Variants in SLC7A1 observed in about 807,000 individuals in gnomAD.
The protein encoded by SLC7A1 is high affinity cationic amino acid transporter 1.
A neutral mutation model predicts 53.9 loss-of-function variants in SLC7A1; 10 were observed. That is an observed-to-expected ratio of 0.19 (90% CI 0.11 to 0.31). SLC7A1 has a LOEUF of 0.31. SLC7A1 is among the 10% of genes least tolerant of loss of function. The pLI, the probability that SLC7A1 is intolerant of heterozygous loss-of-function variation, is 1.00. For missense variants in SLC7A1, 525 were observed against 827.2 expected (o/e 0.63, Z 4.48); for synonymous variants, 342 against 338.7 (o/e 1.01, Z -0.11).
chr13:29,523,539 A>G, intron 6 of SLC7A1, 51 bp from the exon 7 acceptor site: 1 of 1,364,316 alleles, frequency 7.3e-7, no homozygotes, highest in Non-Finnish European at 1.0e-6. Flanking sequence ...GAGGCAGTGT[A>G]TCTGCCCACA....
Position 29,516,947 on chromosome 13 carries a change from G to T in SLC7A1, c.1677+197C>A, listed in dbSNP as rs113405643. On this transcript the variant is annotated intron_variant, in intron 11 of 12. Coordinates refer to ENST00000380752, the MANE Select transcript of SLC7A1 (RefSeq NM_003045.5). Reference sequence around the variant, plus strand: ...TGACTACTCAGGGAAACGTCCAGGGGAGAAGGGCTGCTGCCTCCTTCCAGG... The same window carrying T: ...TGACTACTCAGGGAAACGTCCAGGGTAGAAGGGCTGCTGCCTCCTTCCAGG... 4,644 of 501,540 alleles carry T rather than the reference G, an allele frequency of 9.3e-3. 170 individuals carry two copies. Among genetic ancestry groups the T allele is most frequent in the African/African-American group, 0.084 (4,251 of 50,802 alleles). The allele number at this position is 501,540 out of a possible 1,614,324, so 31.1% of individuals were successfully genotyped here.
intron 2 of SLC7A1, among the ~76,000 whole-genome samples, chr13:29,546,459 T>G (rs1869926911): frequency 6.6e-6 from 1 of 152,198 alleles, no homozygotes; most frequent in Non-Finnish European, 1.5e-5. Flanking sequence ...TTCTAAATAT[T>G]TCCTCTTCCA....
intron 9 of SLC7A1, among the ~76,000 whole-genome samples, chr13:29,518,779 A>G (rs1868478238): frequency 6.6e-6 from 1 of 152,094 alleles, no homozygotes. Context: ...ACCAGTGCTG[A>G]GCGTCTCCAT....
intron 1 of SLC7A1, among the ~76,000 whole-genome samples, chr13:29,570,857 CAAAA>C (rs11321368): frequency 5.0e-5 from 7 of 138,990 alleles, no homozygotes; most frequent in Admixed American, 7.1e-5. Flanking sequence ...GACTTTGTCT[CAAAA>C]AAAAAAAAAA....
At chr13:29,541,907 A>AT (rs1295686569) in intron 2 of SLC7A1, among the ~76,000 whole-genome samples, 1 of 152,242 alleles carries the variant, frequency 6.6e-6, no homozygotes, top group Non-Finnish European at 1.5e-5. Flanking sequence ...AAAAGTATAT[A>AT]TTTTTGGATA....
chr13:29,594,190 C>T (rs1310102634), intron 1 of SLC7A1, among the ~76,000 whole-genome samples: 2 of 152,184 alleles, frequency 1.3e-5, no homozygotes, highest in African/African-American at 2.4e-5. Context: ...AATTATAATT[C>T]GAATTAAATA....
chr13:29,514,645 C>G, intron 12 of SLC7A1, 62 bp from the exon 13 acceptor site: 1 of 1,320,560 alleles, frequency 7.6e-7, no homozygotes, highest in East Asian at 2.5e-5. Flanking sequence ...GCAGGCAGGG[C>G]TCAGAGCCCA....
intron 2 of SLC7A1, among the ~76,000 whole-genome samples, chr13:29,544,296 AAT>A (rs1216767286): frequency 5.3e-5 from 8 of 152,196 alleles, no homozygotes; most frequent in African/African-American, 1.9e-4. Flanking sequence ...AAAATCCTAA[AAT>A]ATTAACTGAG....
At chr13:29,523,061 A>AAT (rs1338185937) in intron 7 of SLC7A1, among the ~76,000 whole-genome samples, 3 of 152,194 alleles carry the variant, frequency 2.0e-5, no homozygotes. Context: ...GGTTCTTCTC[A>AAT]ATAACACAAC....
intron 1 of SLC7A1, among the ~76,000 whole-genome samples, chr13:29,580,502 A>G (rs1252834976): frequency 6.6e-6 from 1 of 152,020 alleles, no homozygotes; most frequent in African/African-American, 2.4e-5. Context: ...ACACACTTTC[A>G]ATGGCTGGCA....
At chr13:29,520,195 A>G (rs1480179341) in intron 8 of SLC7A1, among the ~76,000 whole-genome samples, 4 of 151,938 alleles carry the variant, frequency 2.6e-5, no homozygotes, top group African/African-American at 7.3e-5. Context: ...CCATCTACCC[A>G]TCTTCCATCC....
chr13:29,514,946 G>T (rs1055249847), intron 12 of SLC7A1, among the ~76,000 whole-genome samples: 1 of 152,190 alleles, frequency 6.6e-6, no homozygotes, highest in Non-Finnish European at 1.5e-5. Context: ...TATGGAGATG[G>T]GGTTTCCCGC....
At position 29,511,473 on chromosome 13, in the gene SLC7A1, T is replaced by G. The variant is rs1325249541; in HGVS notation, c.*3007A>C. 1 of 152,184 alleles carries G rather than the reference T, an allele frequency of 6.6e-6. No homozygotes were observed. Among genetic ancestry groups the G allele is most frequent in the African/African-American group, 2.4e-5 (1 of 41,428 alleles). 9.4% of individuals were successfully genotyped at this position (152,184 alleles called of 1,614,324 possible). A position where few individuals can be genotyped will look rare whatever the true frequency, so the allele number is the denominator to read the frequency against. On this transcript the variant is annotated 3_prime_UTR_variant, in exon 13 of 13. Coordinates refer to ENST00000380752, the MANE Select transcript of SLC7A1 (RefSeq NM_003045.5). ...GATTTGGAAAAATAAATCCGATGCA[T>G]AAAGCCTTGGACAAGGGTGTGTGAG... is the stretch of plus-strand genomic sequence containing the variant.
At chr13:29,557,170 A>G (rs1049836788) in intron 1 of SLC7A1, among the ~76,000 whole-genome samples, 1 of 152,232 alleles carries the variant, frequency 6.6e-6, no homozygotes, top group Non-Finnish European at 1.5e-5. Flanking sequence ...CTCAGACGTA[A>G]AGAGTTTAAT....
In SLC7A1 at chr13:29,513,278, TA is replaced by T. The variant is rs1883448321; in HGVS notation, c.*1201del. The T allele has an allele frequency of 1.3e-5, 2 of 152,688 alleles. No individual in the cohort carries two copies. The highest frequency in any genetic ancestry group is 1.3e-4 in the Admixed American group (2 of 15,286). The allele number at this position is 152,688 out of a possible 1,614,324, so 9.5% of individuals were successfully genotyped here. On this transcript the variant is annotated 3_prime_UTR_variant, in exon 13 of 13. Transcript: ENST00000380752. Reference sequence around the variant, plus strand: ...TACACAAAAGGGACAGCAATATGCCTAGAAATCACCTCCCCTGCGACCCACG... The same window carrying T: ...TACACAAAAGGGACAGCAATATGCCTGAAATCACCTCCCCTGCGACCCACG...
intron 2 of SLC7A1, among the ~76,000 whole-genome samples, chr13:29,536,454 C>T (rs1210825793): frequency 1.3e-5 from 2 of 152,162 alleles, no homozygotes; most frequent in African/African-American, 4.8e-5. Flanking sequence ...TCTGAGCTTC[C>T]ACATTTGTAG....
chr13:29,587,826 G>A (rs997522579), intron 1 of SLC7A1, among the ~76,000 whole-genome samples: 5 of 152,204 alleles, frequency 3.3e-5, no homozygotes, highest in South Asian at 2.1e-4. Context: ...GACAGGGGCC[G>A]GCTCCTCCCA....
In SLC7A1 at chr13:29,517,192, C is replaced by T. The variant is rs570378098; in HGVS notation, c.1629G>A (p.Thr543=). The T allele has an allele frequency of 3.3e-5, 54 of 1,612,966 alleles. 1 individual carries two copies. The highest frequency in any genetic ancestry group is 3.2e-4 in the South Asian group (29 of 90,732). Residue 543 remains threonine, a synonymous_variant, in exon 11 of 13, where the codon ACG becomes ACA. Coordinates refer to ENST00000380752, the MANE Select transcript of SLC7A1 (RefSeq NM_003045.5). ...AGSALLCAVV[T]GVIWRQPESK... ...TCTCGGGCTGCCTCCAGATGACGCC[C>T]GTGACCACGGCACAGAGGAGGGCAG... is the stretch of plus-strand genomic sequence containing the variant.
At chr13:29,523,865 A>C (rs1005730684) in intron 6 of SLC7A1, among the ~76,000 whole-genome samples, 6 of 152,208 alleles carry the variant, frequency 3.9e-5, no homozygotes, top group Non-Finnish European at 7.3e-5. Flanking sequence ...CAGATATGAA[A>C]TCAGGCCACA....
Sources: allele counts gnomAD v4.1 joint callset (sites outside exome capture counted in the v4.1 genomes callset), GRCh38; gene constraint gnomAD v4.1.1; transcripts MANE v1.5; gene names NCBI Gene and HGNC (gene_info 2026-07-23, HGNC 2026-07-21).